Variants in AP3B2 observed in about 807,000 individuals in gnomAD.
The protein encoded by AP3B2 is adaptor related protein complex 3 subunit beta 2, also known as AP-3 complex subunit beta-2.
A neutral mutation model predicts 126.9 loss-of-function variants in AP3B2; 50 were observed. That is an observed-to-expected ratio of 0.39 (90% CI 0.31 to 0.50). The LOEUF (loss-of-function observed/expected upper bound fraction) is 0.50, where lower values mean the gene tolerates loss of function less well. AP3B2 is among the 20% of genes least tolerant of loss of function. AP3B2 has a pLI of 0.79. For synonymous variants in AP3B2, 541 were observed against 565.0 expected (o/e 0.96, Z 0.60); for missense variants, 1,177 against 1,426.4 (o/e 0.83, Z 2.82).
At position 82,659,587 on chromosome 15, in the gene AP3B2, C is replaced by T. The variant is rs749559541; in HGVS notation, c.3279G>A (p.Lys1093=). 1 of 1,613,950 alleles carries T rather than the reference C, an allele frequency of 6.2e-7. No individual in the cohort carries two copies. Among genetic ancestry groups the T allele is most frequent in the East Asian group, 2.2e-5 (1 of 44,872 alleles). The change falls in exon 27 of 27, where the codon AAG becomes AAA. Residue 1093 remains lysine (K), a synonymous_variant. Coordinates refer to ENST00000535359, the MANE Select transcript of AP3B2 (RefSeq NM_001278512.2). ...EKMVIGTMLV[K]DVIQALTQ is the part of the protein sequence containing the mutation. ...ACTGGGTCAGAGCCTGTATCACATC[C>T]TTTACCAGCATGGTGCCAATCACCA...
intron 1 of AP3B2, among the ~76,000 whole-genome samples, chr15:82,693,555 A>G (rs1596193269): frequency 6.6e-6 from 1 of 151,842 alleles, no homozygotes; most frequent in African/African-American, 2.4e-5. Context: ...CCAGCAGCAA[A>G]TAATTTAACT....
intron 1 of AP3B2, among the ~76,000 whole-genome samples, chr15:82,690,373 A>C (rs1443218479): frequency 2.6e-5 from 4 of 151,940 alleles, no homozygotes. Context: ...CATTTACATT[A>C]GGTATTCCTC....
rs1371444735 is a variant in AP3B2 at position 82,709,506 on chromosome 15, T to C, written c.113+88A>G. The stretch of plus-strand genomic sequence containing the variant: ...GGCGCGGCCGGGGCGGGGCCGGCGC[T>C]GGGGCCGGGCGCTGTCCATGGTGCC... On this transcript the variant is annotated intron_variant, in intron 1 of 26. Transcript: ENST00000535359. 5.3e-6 allele frequency: 5 copies of C among 937,024 alleles called. No homozygotes were observed. The East Asian group carries it at 1.9e-4, about 36-fold the overall frequency. The allele number at this position is 937,024 out of a possible 1,614,324, so 58.0% of individuals were successfully genotyped here.
At chr15:82,683,069 T>G (rs2048371630) in intron 4 of AP3B2, among the ~76,000 whole-genome samples, 3 of 109,644 alleles carry the variant, frequency 2.7e-5, no homozygotes, top group African/African-American at 1.3e-4. Flanking sequence ...TTTTTTTTTT[T>G]TTTTTTTGTA....
At chr15:82,707,229 C>T (rs1190867729) in intron 1 of AP3B2, among the ~76,000 whole-genome samples, 3 of 152,114 alleles carry the variant, frequency 2.0e-5, no homozygotes, top group Admixed American at 6.5e-5. Flanking sequence ...AAAGGTAGAA[C>T]GGACTAATGG....
rs1385200868 is a variant in AP3B2 at position 82,676,564 on chromosome 15, T to G, written c.1562A>C (p.Asp521Ala). Residue 521 changes from aspartate to alanine, a missense_variant, in exon 14 of 27, where the codon GAT becomes GCT. By Grantham distance (126) the Asp-to-Ala change is moderately radical (BLOSUM62 -2). Transcript: ENST00000535359. ...YCEHVPRIAP[D>A]VLRKMAKSFT... ...TGACTTGGCCATTTTTCTTAAGACATCAGGTGCAATCCTGGGGACATGCTC... is the reference window on the plus strand; with the variant it reads ...TGACTTGGCCATTTTTCTTAAGACAGCAGGTGCAATCCTGGGGACATGCTC... 7 of 1,613,938 alleles carry G rather than the reference T, an allele frequency of 4.3e-6. No individual in the cohort carries two copies. Among genetic ancestry groups the G allele is most frequent in the Non-Finnish European group, 5.9e-6 (7 of 1,179,882 alleles).
rs766315390 is a variant in AP3B2, at chr15:82,680,981, G to C, written c.627C>G (p.Val209=). The change falls in exon 7 of 27, where the codon GTC becomes GTG. Residue 209 remains valine (V), a synonymous_variant. Transcript: ENST00000535359. The surrounding 1 kb of genome is among the most constrained non-coding windows in gnomAD (Gnocchi z 6.1). ...AGSVVMAFEE[V]CPERIDLIHK... is the part of the protein sequence containing the mutation. ...GAATCAGGTCGATGCGCTCCGGGCAGACCTCCTCAAAGGCCATCACCACAC... is the reference window on the plus strand; with the variant it reads ...GAATCAGGTCGATGCGCTCCGGGCACACCTCCTCAAAGGCCATCACCACAC... The C allele has an allele frequency of 1.1e-5, 17 of 1,613,932 alleles. No individual in the cohort carries two copies. The East Asian group carries it at 3.8e-4, about 36-fold the overall frequency.
In AP3B2 at chr15:82,688,315, A is replaced by T. The variant is rs1596188697; in HGVS notation, c.360+421T>A. The T allele has an allele frequency of 7.7e-6, 5 of 647,086 alleles. No individual in the cohort carries two copies. The East Asian group carries it at 1.4e-4, about 18-fold the overall frequency. The allele number at this position is 647,086 out of a possible 1,614,324, so 40.1% of individuals were successfully genotyped here. A position where few individuals can be genotyped will look rare whatever the true frequency, so the allele number is the denominator to read the frequency against. On this transcript the variant is annotated intron_variant, in intron 4 of 26. Transcript: ENST00000535359. ...TAGAGGCCTTGGGCAAAATGAAACAAAAGGTGAGAATGGTGTGGGGGATTC... is the reference window on the plus strand; with the variant it reads ...TAGAGGCCTTGGGCAAAATGAAACATAAGGTGAGAATGGTGTGGGGGATTC...
In AP3B2 at chr15:82,663,829, A is replaced by G. The variant is rs568259225; in HGVS notation, c.2408T>C (p.Leu803Ser). The part of the protein sequence containing the change: ...EMTSESEEEQ[L>S]EPASWSRKTP... ...TTTCCTGCTCCAGGAGGCAGGTTCT[A>G]ACTGCTCCTCCTCGGACTCCGATGT... The change falls in exon 20 of 27, where the codon TTA becomes TCA. Residue 803 changes from leucine (L) to serine (S), a missense_variant. Physicochemically the swap from Leu to Ser is moderately radical, Grantham distance 145. Around this residue, in one of 5 missense-constraint regions of AP3B2, gnomAD observed 587 missense variants for 571.3 expected, o/e 1.03. Coordinates refer to ENST00000535359, the MANE Select transcript of AP3B2 (RefSeq NM_001278512.2). 4 of 1,613,642 alleles carry G rather than the reference A, an allele frequency of 2.5e-6. No individual in the cohort carries two copies. In the African/African-American group the frequency reaches 4.0e-5, roughly 16 times the overall value.
intron 13 of AP3B2, among the ~76,000 whole-genome samples, chr15:82,677,026 T>G (rs1167966379): frequency 6.6e-6 from 1 of 152,152 alleles, no homozygotes; most frequent in Non-Finnish European, 1.5e-5. Flanking sequence ...TCAACCATGG[T>G]TGGCTAGAGC....
At chr15:82,708,721 T>C (rs2151465382) in intron 1 of AP3B2, 3 of 152,572 alleles carry the variant, frequency 2.0e-5, no homozygotes, top group Middle Eastern at 6.8e-3. Flanking sequence ...ACACAGATTG[T>C]GGCCTGGCTC....
chr15:82,675,994 G>A (rs992241007), intron 14 of AP3B2, among the ~76,000 whole-genome samples: 5 of 152,100 alleles, frequency 3.3e-5, no homozygotes, highest in African/African-American at 1.2e-4. Context: ...CTTTCACCTT[G>A]GGAATGACAG....
rs1457528969 is a variant in AP3B2, at chr15:82,666,802, G to A, written c.1797C>T (p.Ala599=). ...GTTTGGGTGCCAGGAAGAGCTTCTT[G>A]GCATGGCGGCTGAGGGCCCCACCCT... ...SEQGGALSRH[A]KKLFLAPKPA... is the part of the protein sequence containing the mutation. The change falls in exon 15 of 27, where the codon GCC becomes GCT. Residue 599 remains alanine, a synonymous_variant. Transcript: ENST00000535359. 6.2e-7 allele frequency: 1 copy of A among 1,613,904 alleles called. No individual in the cohort carries two copies. The highest frequency in any genetic ancestry group is 8.5e-7 in the Non-Finnish European group (1 of 1,179,894).
chr15:82,675,169 T>G (rs115050135), intron 14 of AP3B2, among the ~76,000 whole-genome samples: 1 of 152,176 alleles, frequency 6.6e-6, no homozygotes, highest in South Asian at 2.1e-4. Flanking sequence ...CTCTAACTTC[T>G]CTCTCTCCAA....
chr15:82,709,525 TG>T, intron 1 of AP3B2, 68 bp downstream of exon 1: 1 of 1,166,672 alleles, frequency 8.6e-7, no homozygotes, highest in Non-Finnish European at 1.1e-6. Context: ...GCGCTGTCCA[TG>T]GTGCCCGCGC....
In AP3B2 at chr15:82,662,306, G is replaced by A. The variant is rs1444359860; in HGVS notation, c.2834-54C>T. On this transcript the variant is annotated intron_variant, in intron 23 of 26. Transcript: ENST00000535359. ...GAGGGAGGGCCACCATCACCTGATA[G>A]GTCTAGAACCCAGCCTAGCCCTACT... 3.6e-6 allele frequency: 5 copies of A among 1,370,036 alleles called. No homozygotes were observed. The African/African-American group carries it at 4.3e-5, about 12-fold the overall frequency. The allele number at this position is 1,370,036 out of a possible 1,614,324, so 84.9% of individuals were successfully genotyped here.
At position 82,663,605 on chromosome 15, in the gene AP3B2, T is replaced by A. The variant is rs747781935; in HGVS notation, c.2452A>T (p.Ser818Cys). 1.9e-5 allele frequency: 31 copies of A among 1,613,734 alleles called. No homozygotes were observed. Among genetic ancestry groups the A allele is most frequent in the Non-Finnish European group, 2.4e-5 (28 of 1,179,832 alleles). The change falls in exon 21 of 27, where the codon AGT (serine) becomes TGT (cysteine). Residue 818 changes from serine to cysteine, a missense_variant. Around this residue, in one of 5 missense-constraint regions of AP3B2, gnomAD observed 587 missense variants for 571.3 expected, o/e 1.03. Coordinates refer to ENST00000535359, the MANE Select transcript of AP3B2 (RefSeq NM_001278512.2). Reference protein sequence around the residue: ...WSRKTPPSSKSAPATKEISLL... With the variant: ...WSRKTPPSSKCAPATKEISLL... The stretch of plus-strand genomic sequence containing the variant: ...GAGATCTCCTTGGTTGCAGGAGCAC[T>A]TTTGCTGCTGGGAGGCTGAAAGAGA...
Position 82,662,197 on chromosome 15 carries a change from G to C in AP3B2, c.2889C>G (p.Asp963Glu). 1 of 1,604,086 alleles carries C rather than the reference G, an allele frequency of 6.2e-7. No homozygotes were observed. The highest frequency in any genetic ancestry group is 8.5e-7 in the Non-Finnish European group (1 of 1,175,222). Residue 963 changes from aspartate to glutamate, a missense_variant, in exon 24 of 27, where the codon GAC (aspartate) becomes GAG (glutamate). Coordinates refer to ENST00000535359, the MANE Select transcript of AP3B2 (RefSeq NM_001278512.2). ...GCTGGAAGTTGGCTGCCTGGGTTGA[G>C]TCACAGAAATTAATGCCCATTACAG... ...ATAVMGINFC[D>E]STQAANFQLC...
At chr15:82,686,125 A>G (rs1237970287) in intron 4 of AP3B2, 2 of 152,234 alleles carry the variant, frequency 1.3e-5, no homozygotes, top group Non-Finnish European at 2.9e-5. Flanking sequence ...GGACATAATT[A>G]AGATTCAGAA....
Sources: gnomAD v4.1 joint callset for allele counts (sites outside exome capture counted in the v4.1 genomes callset) on GRCh38, gnomAD v4.1.1 for gene constraint, gnomAD v4.1.1 regional missense constraint, Gnocchi (gnomAD v3.1) non-coding constraint, MANE v1.5 for transcripts, NCBI Gene and HGNC (gene_info 2026-07-23, HGNC 2026-07-21) for gene names.